KIAA1671: variants seen among roughly 807,000 people sequenced by gnomAD.
KIAA1671 encodes the protein uncharacterized protein KIAA1671.
KIAA1671 carries 52 observed loss-of-function variants against 131.2 expected under a neutral mutation model. The observed-to-expected ratio is 0.40, with a 90% CI of 0.32 to 0.50. The LOEUF (loss-of-function observed/expected upper bound fraction) is 0.50, where lower values mean the gene tolerates loss of function less well. KIAA1671 is among the 20% of genes least tolerant of loss of function. KIAA1671 has a pLI of 0.73. For synonymous variants in KIAA1671, 1,003 were observed against 961.6 expected, an observed-to-expected ratio of 1.04 and a Z score of -0.80; for missense variants, 2,360 against 2,364.2, an observed-to-expected ratio of 1.00 and a Z score of 0.04.
chr22:25,065,647 A>AT (rs796321980), intron 6 of KIAA1671, among the ~76,000 whole-genome samples: 104 of 148,338 alleles, frequency 7.0e-4, no homozygotes, highest in Middle Eastern at 7.1e-3. Context: ...TATTATTATT[A>AT]TTTTTTTTTT....
chr22:25,088,664 G>A (rs1168148824), intron 6 of KIAA1671, among the ~76,000 whole-genome samples: 1 of 152,012 alleles, frequency 6.6e-6, no homozygotes, highest in Non-Finnish European at 1.5e-5. Context: ...TTTTTAATTG[G>A]AAAAGTAATA....
In KIAA1671 at chr22:25,017,339, C is replaced by T. The variant is rs112181117; in HGVS notation, c.-207-8294C>T. ...CAGAGGCTGCAGTGAGCCGAGATTG[C>T]GCCACTGCACTCCAGCCTGGGCGAC... On this transcript the variant is annotated intron_variant, in intron 1 of 12. Coordinates refer to ENST00000358431, the MANE Select transcript of KIAA1671 (RefSeq NM_001145206.2). Among the ~76,000 whole-genome samples, 1,098 of 152,204 alleles carry T rather than the reference C, an allele frequency of 7.2e-3. 22 individuals carry two copies. Among genetic ancestry groups the T allele is most frequent in the African/African-American group, 0.025 (1,035 of 41,496 alleles).
chr22:25,170,963 GGC>G (rs773633937), intron 7 of KIAA1671, 25 bp downstream of exon 7: 1 of 1,541,734 alleles, frequency 6.5e-7, no homozygotes, highest in South Asian at 1.2e-5. Context: ...ACGGGATTCT[GGC>G]TGCAAAGGGG....
rs909591907 is a variant in KIAA1671, at chr22:25,021,961, T to C, written c.-207-3672T>C. 1.5e-3 allele frequency among the ~76,000 whole-genome samples: 231 copies of C among 152,210 alleles called. No individual in the cohort carries two copies. The Middle Eastern group carries it at 0.02, about 13-fold the overall frequency. ...GCCACCACGCCCAGCTAATTTTTTG[T>C]ATTTTTAGTAGAGATGGGGTTTCAC... On this transcript the variant is annotated intron_variant, in intron 1 of 12. Coordinates refer to ENST00000358431, the MANE Select transcript of KIAA1671 (RefSeq NM_001145206.2).
At chr22:25,154,691 C>G (rs997108554) in intron 6 of KIAA1671, among the ~76,000 whole-genome samples, 5 of 152,172 alleles carry the variant, frequency 3.3e-5, no homozygotes, top group Non-Finnish European at 7.4e-5. Context: ...GTGGGGTGTT[C>G]ATCAACAAAG....
chr22:25,028,474 G>T lies in KIAA1671; in HGVS notation c.475G>T (p.Ala159Ser). Residue 159 changes from alanine to serine, a missense_variant, in exon 3 of 13, where the codon GCG becomes TCG. Transcript: ENST00000358431. The part of the protein sequence containing the change: ...TTKSGPALGK[A>S]VSEGAEEAKL... Reference sequence around the variant, plus strand: ...CAAAAGCGGCCCCGCTCTGGGGAAGGCGGTTAGTGAGGGGGCGGAGGAGGC... The same window carrying T: ...CAAAAGCGGCCCCGCTCTGGGGAAGTCGGTTAGTGAGGGGGCGGAGGAGGC... The T allele has an allele frequency of 6.5e-7, 1 of 1,550,258 alleles. No individual in the cohort carries two copies. The highest frequency in any genetic ancestry group is 8.7e-7 in the Non-Finnish European group (1 of 1,146,476).
chr22:25,067,833 G>A (rs1054887627), intron 6 of KIAA1671, among the ~76,000 whole-genome samples: 1 of 152,330 alleles, frequency 6.6e-6, no homozygotes, highest in Admixed American at 6.5e-5. Flanking sequence ...TGTGTTTATG[G>A]CAACAGTCAT....
chr22:25,070,520 GTC>G (rs1326578326), intron 6 of KIAA1671: 17 of 410,002 alleles, frequency 4.1e-5, no homozygotes, highest in Non-Finnish European at 7.1e-5. Context: ...GGTTAGCAAT[GTC>G]TCTGTTTTCT....
intron 6 of KIAA1671, among the ~76,000 whole-genome samples, chr22:25,076,426 A>T (rs1310665980): frequency 6.6e-6 from 1 of 152,070 alleles, no homozygotes; most frequent in Non-Finnish European, 1.5e-5. Context: ...CAAAGTTGTC[A>T]CTTGGTGGTG....
chr22:25,069,676 T>TG (rs767496667), intron 6 of KIAA1671, among the ~76,000 whole-genome samples: 5 of 152,146 alleles, frequency 3.3e-5, no homozygotes, highest in Admixed American at 6.5e-5. Context: ...ACCCTCCTTC[T>TG]GGGGGGATCA....
chr22:24,984,066 C>T (rs1033482567), intron 1 of KIAA1671, among the ~76,000 whole-genome samples: 11 of 152,116 alleles, frequency 7.2e-5, no homozygotes, highest in African/African-American at 2.4e-4. Flanking sequence ...GTGTGAGCAA[C>T]CGCGCCTGGC....
intron 5 of KIAA1671, among the ~76,000 whole-genome samples, chr22:25,042,256 G>A (rs888879900): frequency 2.0e-5 from 3 of 152,196 alleles, no homozygotes; most frequent in Non-Finnish European, 2.9e-5. Context: ...CTACAATGAC[G>A]ATAATGATAG....
chr22:25,032,121 C>T (rs1926327275), intron 3 of KIAA1671, among the ~76,000 whole-genome samples: 1 of 152,206 alleles, frequency 6.6e-6, no homozygotes, highest in Non-Finnish European at 1.5e-5. Flanking sequence ...CCCTGACAGC[C>T]CACTACCCTT....
At chr22:25,054,237 T>G (rs1349850530) in intron 6 of KIAA1671, 2 of 148,232 alleles carry the variant, frequency 1.3e-5, no homozygotes, top group Non-Finnish European at 3.0e-5. Flanking sequence ...GGTAACAGAG[T>G]GAGACTCCAT....
intron 6 of KIAA1671, among the ~76,000 whole-genome samples, chr22:25,161,069 T>A (rs1461048054): frequency 6.6e-6 from 1 of 150,534 alleles, no homozygotes; most frequent in Non-Finnish European, 1.5e-5. Context: ...TTCCCTTCCC[T>A]CCTCACCTCT....
At chr22:25,099,472 TGA>T (rs1279956049) in intron 6 of KIAA1671, among the ~76,000 whole-genome samples, 1 of 151,190 alleles carries the variant, frequency 6.6e-6, no homozygotes, top group African/African-American at 2.4e-5. Context: ...AGCCTTTGGA[TGA>T]GTGTTGATTT....
chr22:25,091,440 A>G (rs775235188), intron 6 of KIAA1671, among the ~76,000 whole-genome samples: 1 of 152,226 alleles, frequency 6.6e-6, no homozygotes, highest in Non-Finnish European at 1.5e-5. Flanking sequence ...TCTACCTCTC[A>G]GAATTGAACT....
At position 25,092,024 on chromosome 22, in the gene KIAA1671, C is replaced by T. The variant is rs117528424; in HGVS notation, c.4530+42660C>T. Among the ~76,000 whole-genome samples the T allele has an allele frequency of 8.7e-3, 1,327 of 152,176 alleles. 8 individuals carry two copies. The highest frequency in any genetic ancestry group is 0.013 in the Non-Finnish European group (886 of 68,024). ...CCTTTGTTTATCCACTCAACAAATA[C>T]GTATTGAGTCTTTTCTCTGTGCCCG... On this transcript the variant is annotated intron_variant, in intron 6 of 12. Transcript: ENST00000358431.
chr22:25,004,622 C>G (rs901581232), intron 1 of KIAA1671, among the ~76,000 whole-genome samples: 1 of 152,106 alleles, frequency 6.6e-6, no homozygotes, highest in Admixed American at 6.6e-5. Flanking sequence ...TTATTTTTCC[C>G]CTGAAACTCT....
Sources: gnomAD v4.1 joint callset for allele counts (sites outside exome capture counted in the v4.1 genomes callset) on GRCh38, gnomAD v4.1.1 for gene constraint, MANE v1.5 for transcripts, NCBI Gene and HGNC (gene_info 2026-07-23, HGNC 2026-07-21) for gene names.